The following SHOC1 variants were observed in gnomAD, a reference collection of about 807,000 sequenced individuals.
SHOC1 encodes the protein protein shortage in chiasmata 1 ortholog.
SHOC1 carries 136 observed loss-of-function variants against 179.2 expected under a neutral mutation model. The ratio of observed to expected loss-of-function variants is 0.76; its 90% CI spans 0.66 to 0.87. The LOEUF is 0.87. Among genes scored for constraint, SHOC1 ranks in the 40% least tolerant of loss-of-function variants. SHOC1 has a pLI of 0.00. For synonymous variants in SHOC1, 489 were observed against 586.6 expected (o/e 0.83, Z 2.41); for missense variants, 1,538 against 1,700.8 (o/e 0.90, Z 1.68).
At chr9:111,732,193 G>A (rs943373129) in intron 12 of SHOC1, among the ~76,000 whole-genome samples, 1 of 152,120 alleles carries the variant, frequency 6.6e-6, no homozygotes, top group Non-Finnish European at 1.5e-5. Context: ...CACATTGCTG[G>A]TGAAAATGTG....
At chr9:111,776,802 TC>T in intron 4 of SHOC1, among the ~76,000 whole-genome samples, 1 of 152,350 alleles carries the variant, frequency 6.6e-6, no homozygotes, top group East Asian at 1.9e-4. Flanking sequence ...GGCACCTTGT[TC>T]CTTCAACCTT....
chr9:111,756,474 G>T lies in SHOC1; in HGVS notation c.713C>A (p.Ser238Ter). Residue 238 changes from serine to a stop codon, truncating the protein, a stop_gained, in exon 8 of 28, where the codon TCA becomes TAA. Transcript: ENST00000682961. LOFTEE classifies it high-confidence loss of function. ...LEDTICLNEP[S>*]SFLIEYEFLI... ...GAATTCATACTCAATAAGAAAACTT[G>T]ACGGCTGAAAAAACATAGTTTAAAA... The T allele has an allele frequency of 1.9e-6, 3 of 1,588,722 alleles. No individual in the cohort carries two copies. The highest frequency in any genetic ancestry group is 2.6e-6 in the Non-Finnish European group (3 of 1,173,744).
chr9:111,727,058 G>A, intron 13 of SHOC1, among the ~76,000 whole-genome samples: 1 of 152,012 alleles, frequency 6.6e-6, no homozygotes, highest in East Asian at 1.9e-4. Flanking sequence ...ATTTCATCAG[G>A]GTAACCTATG....
At chr9:111,768,534 T>C (rs528765475) in intron 5 of SHOC1, among the ~76,000 whole-genome samples, 1 of 152,342 alleles carries the variant, frequency 6.6e-6, no homozygotes, top group Non-Finnish European at 1.5e-5. Flanking sequence ...GTTGATTTTG[T>C]GTTCTGCAAC....
At chr9:111,793,875 CAG>C (rs1836532758) in intron 1 of SHOC1, among the ~76,000 whole-genome samples, 1 of 151,860 alleles carries the variant, frequency 6.6e-6, no homozygotes, top group African/African-American at 2.4e-5. Context: ...TTTTTTGAGA[CAG>C]AGTCTCCCTC....
intron 4 of SHOC1, among the ~76,000 whole-genome samples, chr9:111,779,414 A>G (rs190583273): frequency 2.6e-5 from 4 of 152,176 alleles, no homozygotes; most frequent in Admixed American, 6.5e-5. Context: ...ATCTTTTTTC[A>G]CCTTATGAAA....
At chr9:111,690,986 A>C (rs933481152) in intron 27 of SHOC1, among the ~76,000 whole-genome samples, 1 of 152,240 alleles carries the variant, frequency 6.6e-6, no homozygotes, top group African/African-American at 2.4e-5. Context: ...ATGCAGTAAG[A>C]AATGACACTG....
intron 12 of SHOC1, among the ~76,000 whole-genome samples, chr9:111,734,883 G>A (rs147347317): frequency 1.3e-5 from 2 of 152,114 alleles, no homozygotes; most frequent in South Asian, 2.1e-4. Context: ...TGGGTATATT[G>A]CATGATGCTG....
chr9:111,758,680 C>A lies in SHOC1; in HGVS notation c.596+15G>T. ...TCTTAAAAATATTTACAGCATTGGT[C>A]AATTAAGTAAGTACCTGGAAAAATT... On this transcript the variant is annotated intron_variant, in intron 6 of 27. Coordinates refer to ENST00000682961, the MANE Select transcript of SHOC1 (RefSeq NM_001378211.1). 1.9e-6 allele frequency: 3 copies of A among 1,560,132 alleles called. No homozygotes were observed. The highest frequency in any genetic ancestry group is 2.4e-5 in the South Asian group (2 of 81,756).
chr9:111,745,047 T>C (rs1282855043), intron 10 of SHOC1, among the ~76,000 whole-genome samples: 1 of 152,218 alleles, frequency 6.6e-6, no homozygotes, highest in Non-Finnish European at 1.5e-5. Context: ...GCCTTGGTTC[T>C]GTATGTCTGG....
At chr9:111,764,784 T>C (rs577040231) in intron 5 of SHOC1, among the ~76,000 whole-genome samples, 2 of 152,074 alleles carry the variant, frequency 1.3e-5, no homozygotes, top group East Asian at 3.9e-4. Flanking sequence ...GAGTTAAAAG[T>C]GGTTGCCTCT....
At chr9:111,772,922 G>C (rs1186424845) in intron 5 of SHOC1, among the ~76,000 whole-genome samples, 1 of 152,178 alleles carries the variant, frequency 6.6e-6, no homozygotes, top group East Asian at 1.9e-4. Context: ...TGGAGGGAAA[G>C]CTAGTTGACT....
intron 12 of SHOC1, among the ~76,000 whole-genome samples, chr9:111,731,744 T>TA (rs1235500839): frequency 6.6e-6 from 1 of 152,188 alleles, no homozygotes; most frequent in Non-Finnish European, 1.5e-5. Flanking sequence ...TATAATGTAT[T>TA]AAATCTATAA....
At position 111,715,351 on chromosome 9, in the gene SHOC1, T is replaced by A. The variant is rs184924602; in HGVS notation, c.2237-728A>T. 2.0e-5 allele frequency among the ~76,000 whole-genome samples: 3 copies of A among 152,296 alleles called. No homozygotes were observed. The East Asian group carries it at 5.8e-4, about 29-fold the overall frequency. On this transcript the variant is annotated intron_variant, in intron 16 of 27. Transcript: ENST00000682961. ...AATTTGGGTAACAAATGAAATAAAT[T>A]TAAAAAATTTAATGTCTATGTACAA...
intron 10 of SHOC1, among the ~76,000 whole-genome samples, chr9:111,745,199 G>A (rs1263035484): frequency 1.3e-5 from 2 of 152,160 alleles, no homozygotes; most frequent in Non-Finnish European, 2.9e-5. Flanking sequence ...ATTGATCAAC[G>A]ATTGTCCACA....
chr9:111,752,074 C>T (rs551865200), intron 8 of SHOC1, among the ~76,000 whole-genome samples: 28 of 152,226 alleles, frequency 1.8e-4, no homozygotes, highest in African/African-American at 6.7e-4. Flanking sequence ...GAGTGAATTT[C>T]CCATTTTTAC....
chr9:111,743,422 A>G (rs777313654), intron 10 of SHOC1, among the ~76,000 whole-genome samples: 1 of 152,200 alleles, frequency 6.6e-6, no homozygotes, highest in Non-Finnish European at 1.5e-5. Flanking sequence ...ATGAAATTTC[A>G]TGCCATCCTA....
chr9:111,765,191 T>C (rs1015324662), intron 5 of SHOC1, among the ~76,000 whole-genome samples: 1 of 148,556 alleles, frequency 6.7e-6, no homozygotes, highest in Non-Finnish European at 1.5e-5. Flanking sequence ...GTGTGGAAAA[T>C]ATAAAATGAC....
chr9:111,758,651 C>T, intron 6 of SHOC1, 44 bp downstream of exon 6: 2 of 1,495,690 alleles, frequency 1.3e-6, no homozygotes, highest in Non-Finnish European at 1.8e-6. Flanking sequence ...AAAACATTTT[C>T]ACCTCTTAAA....
Sources: gnomAD v4.1 joint callset for allele counts (sites outside exome capture counted in the v4.1 genomes callset) on GRCh38, gnomAD v4.1.1 for gene constraint, MANE v1.5 for transcripts, NCBI Gene and HGNC (gene_info 2026-07-23, HGNC 2026-07-21) for gene names.